The following SEMA3C variants were observed in gnomAD, a reference collection of about 807,000 sequenced individuals.
SEMA3C encodes semaphorin 3C, also known as semaphorin-3C.
Under a neutral mutation model 89.4 loss-of-function variants are expected in SEMA3C, and 47 were observed. That is an observed-to-expected ratio of 0.53 (90% confidence interval 0.42 to 0.67). The LOEUF (loss-of-function observed/expected upper bound fraction) is 0.67, where lower values mean the gene tolerates loss of function less well. Among genes scored for constraint, SEMA3C ranks in the 30% least tolerant of loss-of-function variants. The pLI, the probability that SEMA3C is intolerant of heterozygous loss-of-function variation, is 0.00. For synonymous variants in SEMA3C, 310 were observed against 320.2 expected, an observed-to-expected ratio of 0.97 and a Z score of 0.34; for missense variants, 839 against 929.1, an observed-to-expected ratio of 0.90 and a Z score of 1.26.
chr7:80,795,051 A>G (rs1789029821), intron 11 of SEMA3C, among the ~76,000 whole-genome samples: 1 of 152,208 alleles, frequency 6.6e-6, no homozygotes, highest in African/African-American at 2.4e-5. Context: ...CTGGGCAACC[A>G]TACTACTGTA....
intron 12 of SEMA3C, among the ~76,000 whole-genome samples, chr7:80,765,850 T>C (rs535692128): frequency 6.6e-6 from 1 of 152,272 alleles, no homozygotes; most frequent in African/African-American, 2.4e-5. Flanking sequence ...GTGCTGGTAT[T>C]ACAGGCGTGG....
chr7:80,899,737 G>C (rs1173048234), intron 2 of SEMA3C, among the ~76,000 whole-genome samples: 1 of 152,134 alleles, frequency 6.6e-6, no homozygotes, highest in Non-Finnish European at 1.5e-5. Flanking sequence ...CAGATCCTCT[G>C]ACATTTCAAG....
At chr7:80,751,776 G>A (rs1424803714) in intron 15 of SEMA3C, among the ~76,000 whole-genome samples, 1 of 152,084 alleles carries the variant, frequency 6.6e-6, no homozygotes, top group Non-Finnish European at 1.5e-5. Flanking sequence ...AAAAGTCAAT[G>A]TTTTCTGTTT....
intron 12 of SEMA3C, among the ~76,000 whole-genome samples, chr7:80,779,505 A>G (rs577927157): frequency 6.6e-6 from 1 of 152,172 alleles, no homozygotes; most frequent in Non-Finnish European, 1.5e-5. Flanking sequence ...AATACCTTTT[A>G]GATCGGATAA....
chr7:80,792,572 T>C (rs1309305708), intron 11 of SEMA3C, among the ~76,000 whole-genome samples: 2 of 152,198 alleles, frequency 1.3e-5, no homozygotes, highest in Non-Finnish European at 2.9e-5. Flanking sequence ...TACTTAATGG[T>C]AAATGAAATC....
In SEMA3C at chr7:80,748,914, T is replaced by C. The variant is rs778327523; in HGVS notation, c.1826A>G (p.Lys609Arg). 3 of 1,612,332 alleles carry C rather than the reference T, an allele frequency of 1.9e-6. No homozygotes were observed. Among genetic ancestry groups the C allele is most frequent in the Admixed American group, 1.7e-5 (1 of 59,678 alleles). ...ASIKWLLQKD[K>R]DRRKEVKLNE... ...TTTACTCACCTCTTTCCTCCTGTCT[T>C]TGTCTTTCTGTAACAGCCACTTGAT... Residue 609 changes from lysine to arginine, a missense_variant, in exon 17 of 18, where the codon AAA becomes AGA. By Grantham distance (26) the Lys-to-Arg change is conservative. Coordinates refer to ENST00000265361, the MANE Select transcript of SEMA3C (RefSeq NM_006379.5).
Position 80,855,891 on chromosome 7 carries a change from A to T in SEMA3C, c.104-27146T>A, listed in dbSNP as rs115247830. Among the ~76,000 whole-genome samples, 968 of 152,252 alleles carry T rather than the reference A, an allele frequency of 6.4e-3. 5 individuals are homozygous for T. Among genetic ancestry groups the T allele is most frequent in the African/African-American group, 0.022 (917 of 41,542 alleles). On this transcript the variant is annotated intron_variant, in intron 2 of 17. Transcript: ENST00000265361. Reference sequence around the variant, plus strand: ...CAACATGCAGCTCTTTAAAAAAATAACGTCCCTCAATCATTCATGTTACGT... The same window carrying T: ...CAACATGCAGCTCTTTAAAAAAATATCGTCCCTCAATCATTCATGTTACGT...
rs1787727738 is a variant in SEMA3C at position 80,743,486 on chromosome 7, A to C, written c.*1408T>G. 6.6e-6 allele frequency: 1 copy of C among 151,900 alleles called. No individual in the cohort carries two copies. Among genetic ancestry groups the C allele is most frequent in the Non-Finnish European group, 1.5e-5 (1 of 67,818 alleles). The allele number at this position is 151,900 out of a possible 1,614,324, so 9.4% of individuals were successfully genotyped here. A position where few individuals can be genotyped will look rare whatever the true frequency, so the allele number is the denominator to read the frequency against. On this transcript the variant is annotated 3_prime_UTR_variant, in exon 18 of 18. Coordinates refer to ENST00000265361, the MANE Select transcript of SEMA3C (RefSeq NM_006379.5). ...TTTATATGATATTTGGATTAGGTAC[A>C]TGGTACAATATCTGTTTTTACCTGG...
At chr7:80,849,234 T>A (rs1790455448) in intron 2 of SEMA3C, among the ~76,000 whole-genome samples, 1 of 152,188 alleles carries the variant, frequency 6.6e-6, no homozygotes, top group African/African-American at 2.4e-5. Context: ...GACTTCATTT[T>A]ATATAATTTA....
At chr7:80,792,808 T>G (rs913634965) in intron 11 of SEMA3C, among the ~76,000 whole-genome samples, 1 of 152,188 alleles carries the variant, frequency 6.6e-6, no homozygotes, top group African/African-American at 2.4e-5. Context: ...CCATCAACTC[T>G]GCTGATAAGA....
chr7:80,824,355 C>A (rs1162713167), intron 4 of SEMA3C, among the ~76,000 whole-genome samples: 6 of 152,150 alleles, frequency 3.9e-5, no homozygotes, highest in Non-Finnish European at 7.4e-5. Flanking sequence ...TGTGTCCTAC[C>A]CGCAAGCCCT....
intron 2 of SEMA3C, among the ~76,000 whole-genome samples, chr7:80,904,419 C>T: frequency 6.6e-6 from 1 of 152,232 alleles, no homozygotes; most frequent in Non-Finnish European, 1.5e-5. Flanking sequence ...GAAAATAGAA[C>T]ACAATTTTCT....
chr7:80,894,535 C>T (rs531681619), intron 2 of SEMA3C, among the ~76,000 whole-genome samples: 11 of 152,010 alleles, frequency 7.2e-5, no homozygotes, highest in South Asian at 2.1e-4. Context: ...TCCAAGGTAA[C>T]GGGATTTGAA....
intron 2 of SEMA3C, among the ~76,000 whole-genome samples, chr7:80,842,242 A>C (rs1266425582): frequency 6.6e-6 from 1 of 152,166 alleles, no homozygotes; most frequent in African/African-American, 2.4e-5. Flanking sequence ...ATGGCTTTTC[A>C]ATGTATATCC....
Position 80,744,600 on chromosome 7 carries a change from T to C in SEMA3C, c.*294A>G, listed in dbSNP as rs576846146. ...CTCATTCAATTGAGGGATGCAACAA[T>C]TCTAGTTTTGCAGCCACCATATCGA... is the stretch of plus-strand genomic sequence containing the variant. On this transcript the variant is annotated 3_prime_UTR_variant, in exon 18 of 18. Transcript: ENST00000265361. 5.6e-5 allele frequency: 22 copies of C among 394,578 alleles called. No individual in the cohort carries two copies. In the South Asian group the frequency reaches 5.7e-4, roughly 10 times the overall value. The allele number at this position is 394,578 out of a possible 1,614,324, so 24.4% of individuals were successfully genotyped here. A position where few individuals can be genotyped will look rare whatever the true frequency, so the allele number is the denominator to read the frequency against.
intron 4 of SEMA3C, among the ~76,000 whole-genome samples, chr7:80,819,822 T>C (rs1789701053): frequency 6.6e-6 from 1 of 152,184 alleles, no homozygotes; most frequent in South Asian, 2.1e-4. Context: ...CCACCAAATG[T>C]TCCACAGTTA....
rs78965938 is a variant in SEMA3C at position 80,797,606 on chromosome 7, A to G, written c.1131+486T>C. On this transcript the variant is annotated intron_variant, in intron 11 of 17. Transcript: ENST00000265361. ...CACATACATTTTCTTCCTATGAGAT[A>G]TATGTAACACAATTTCTATCTAAAT... Among the ~76,000 whole-genome samples, 898 of 152,348 alleles carry G rather than the reference A, an allele frequency of 5.9e-3. 38 individuals are homozygous for G. In the East Asian group the frequency reaches 0.11, roughly 18 times the overall value.
At chr7:80,760,305 T>C (rs1788156383) in intron 14 of SEMA3C, among the ~76,000 whole-genome samples, 10 of 152,234 alleles carry the variant, frequency 6.6e-5, no homozygotes, top group Admixed American at 6.5e-4. Context: ...AGGATTACTA[T>C]GCCACACAAA....
chr7:80,818,079 C>CAT (rs1554372749), intron 5 of SEMA3C, among the ~76,000 whole-genome samples: 1 of 151,196 alleles, frequency 6.6e-6, no homozygotes, highest in Admixed American at 6.6e-5. Flanking sequence ...CACACACACA[C>CAT]ATATAATACA....
Sources: allele counts gnomAD v4.1 joint callset (sites outside exome capture counted in the v4.1 genomes callset), GRCh38; gene constraint gnomAD v4.1.1; transcripts MANE v1.5; gene names NCBI Gene and HGNC (gene_info 2026-07-23, HGNC 2026-07-21).